The following INPP5F variants were observed in gnomAD, a reference collection of about 807,000 sequenced individuals.
INPP5F encodes phosphatidylinositide 4-phosphatase SAC2.
INPP5F carries 97 observed loss-of-function variants against 137.2 expected under a neutral mutation model. The ratio of observed to expected loss-of-function variants is 0.71; its 90% CI spans 0.60 to 0.84. The LOEUF is 0.84. INPP5F is among the 40% of genes least tolerant of loss of function. The pLI is 0.00. For synonymous variants in INPP5F, 504 were observed against 476.9 expected (o/e 1.06, Z -0.74); for missense variants, 1,271 against 1,371.9 (o/e 0.93, Z 1.16).
chr10:119,805,434 A>C lies in INPP5F; in HGVS notation c.1292A>C (p.Asp431Ala), dbSNP rs765851658. 9 of 1,612,296 alleles carry C rather than the reference A, an allele frequency of 5.6e-6. No homozygotes were observed. Among genetic ancestry groups the C allele is most frequent in the Non-Finnish European group, 7.6e-6 (9 of 1,178,542 alleles). The change falls in exon 11 of 20, where the codon GAC becomes GCC. Residue 431 changes from aspartate (D) to alanine (A), a missense_variant. Physicochemically the swap from Asp to Ala is moderately radical, Grantham distance 126. This residue lies in a region of INPP5F where 593 missense variants were observed against 712.4 expected (regional missense o/e 0.83). Transcript: ENST00000650623. The part of the protein sequence containing the change: ...NVQTLTDAIY[D>A]IILDMKWCWV... ...CAGACACTAACAGATGCCATTTATG[A>C]CATTATTCTTGATATGAAGTGGTGT...
At chr10:119,813,523 G>A (rs1851129977) in intron 15 of INPP5F, among the ~76,000 whole-genome samples, 1 of 152,072 alleles carries the variant, frequency 6.6e-6, no homozygotes, top group African/African-American at 2.4e-5. Context: ...TACTCGGGAG[G>A]CTGAGGTGAG....
Position 119,781,766 on chromosome 10 carries a change from C to CT in INPP5F, c.311dup (p.Glu105ArgfsTer4). ...TGAAATGGAACCTCAGGATCTTGAG[C>CT]TAGAGGTAGGTGAAATAAAGGGAAA... On this transcript the variant is annotated frameshift_variant, in exon 3 of 20. Coordinates refer to ENST00000650623, the MANE Select transcript of INPP5F (RefSeq NM_014937.4). LOFTEE classifies it high-confidence loss of function. 1 of 1,596,030 alleles carries CT rather than the reference C, an allele frequency of 6.3e-7. No individual in the cohort carries two copies. Among genetic ancestry groups the CT allele is most frequent in the Non-Finnish European group, 8.6e-7 (1 of 1,167,612 alleles).
Position 119,822,459 on chromosome 10 carries a change from C to A in INPP5F, c.1987C>A (p.Gln663Lys). The change falls in exon 17 of 20, where the codon CAG becomes AAG. Residue 663 changes from glutamine (Q) to lysine (K), a missense_variant. By Grantham distance (53) the Gln-to-Lys change is moderately conservative. This residue lies in a region of INPP5F where 593 missense variants were observed against 712.4 expected (regional missense o/e 0.83). Coordinates refer to ENST00000650623, the MANE Select transcript of INPP5F (RefSeq NM_014937.4). ...TGATGATGAAGTTGATAAAGTAAACCAGTATCAACGACTAAGTCTAGAAAA... is the reference window on the plus strand; with the variant it reads ...TGATGATGAAGTTGATAAAGTAAACAAGTATCAACGACTAAGTCTAGAAAA... Reference protein sequence around the residue: ...YYDDEVDKVNQYQRLSLENLE... With the variant: ...YYDDEVDKVNKYQRLSLENLE... 1 of 1,529,544 alleles carries A rather than the reference C, an allele frequency of 6.5e-7. No individual in the cohort carries two copies. Among genetic ancestry groups the A allele is most frequent in the Non-Finnish European group, 9.0e-7 (1 of 1,116,170 alleles). The allele number at this position is 1,529,544 out of a possible 1,614,324, so 94.7% of individuals were successfully genotyped here. A position where few individuals can be genotyped will look rare whatever the true frequency, so the allele number is the denominator to read the frequency against.
intron 1 of INPP5F, 87 bp from the exon 2 acceptor site, chr10:119,750,989 A>AT (rs553559839): frequency 5.8e-5 from 51 of 877,094 alleles, no homozygotes; most frequent in South Asian, 4.2e-4. Flanking sequence ...TGGGACATTG[A>AT]TTTTTTTTCA....
intron 6 of INPP5F, among the ~76,000 whole-genome samples, chr10:119,793,288 G>C (rs534704289): frequency 6.6e-6 from 1 of 152,148 alleles, no homozygotes; most frequent in African/African-American, 2.4e-5. Flanking sequence ...TTTATTGCTA[G>C]AACAGAAATA....
At position 119,810,216 on chromosome 10, in the gene INPP5F, AG is replaced by A; in HGVS notation, c.1687+1del. 6.5e-7 allele frequency: 1 copy of A among 1,546,286 alleles called. No homozygotes were observed. Among genetic ancestry groups the A allele is most frequent in the South Asian group, 1.1e-5 (1 of 88,410 alleles). On this transcript the variant is annotated frameshift_variant and splice_region_variant, in exon 14 of 20. Coordinates refer to ENST00000650623, the MANE Select transcript of INPP5F (RefSeq NM_014937.4). LOFTEE classifies it high-confidence loss of function. Reference sequence around the variant, plus strand: ...AGGATGCTTATAGGCAAGCTGTTATAGGTAAGAAGCAGAAAAGCTTTTCTTT... The same window carrying A: ...AGGATGCTTATAGGCAAGCTGTTATAGTAAGAAGCAGAAAAGCTTTTCTTT... ...FKDAYRQAVI[D>X]LMQGIPVTED...
At chr10:119,761,279 A>G (rs1385838274) in intron 2 of INPP5F, among the ~76,000 whole-genome samples, 2 of 152,226 alleles carry the variant, frequency 1.3e-5, no homozygotes, top group Admixed American at 6.5e-5. Flanking sequence ...TCAGTTTTCT[A>G]TAAACCGAGA....
chr10:119,758,133 A>G (rs953451513), intron 2 of INPP5F, among the ~76,000 whole-genome samples: 1 of 152,242 alleles, frequency 6.6e-6, no homozygotes, highest in Non-Finnish European at 1.5e-5. Context: ...GTTAATTACT[A>G]GTCACACAGT....
At chr10:119,819,660 C>T in intron 15 of INPP5F, 3 of 626,094 alleles carry the variant, frequency 4.8e-6, no homozygotes, top group Non-Finnish European at 5.0e-6. Flanking sequence ...GATTTTGGCT[C>T]CTAGAATCGA....
At chr10:119,758,833 G>A (rs72826404) in intron 2 of INPP5F, among the ~76,000 whole-genome samples, 5,011 of 152,260 alleles carry the variant, frequency 0.033, 118 homozygotes, top group Non-Finnish European at 0.053. Flanking sequence ...TTTTGTAGTG[G>A]TGACGATGTC....
At chr10:119,776,879 T>C (rs1849540874) in intron 2 of INPP5F, among the ~76,000 whole-genome samples, 1 of 151,920 alleles carries the variant, frequency 6.6e-6, no homozygotes, top group African/African-American at 2.4e-5. Context: ...GCCTCCTGAG[T>C]AGCTGAGACT....
At chr10:119,803,041 G>A (rs1357442571) in intron 9 of INPP5F, among the ~76,000 whole-genome samples, 1 of 151,898 alleles carries the variant, frequency 6.6e-6, no homozygotes, top group Non-Finnish European at 1.5e-5. Flanking sequence ...GATTTTCTCT[G>A]TATCCTTTAC....
intron 2 of INPP5F, among the ~76,000 whole-genome samples, chr10:119,757,406 G>A (rs1436489487): frequency 6.6e-6 from 1 of 152,050 alleles, no homozygotes; most frequent in Non-Finnish European, 1.5e-5. Flanking sequence ...TAGGAGGGAT[G>A]TGTAATGCAT....
At chr10:119,741,460 C>T (rs1684628893) in intron 1 of INPP5F, among the ~76,000 whole-genome samples, 4 of 152,206 alleles carry the variant, frequency 2.6e-5, no homozygotes, top group Non-Finnish European at 4.4e-5. Context: ...CTTCAGTGGA[C>T]ATCTGAGTGT....
intron 2 of INPP5F, among the ~76,000 whole-genome samples, chr10:119,754,103 G>C (rs1215387135): frequency 3.3e-5 from 5 of 152,220 alleles, no homozygotes; most frequent in Non-Finnish European, 7.3e-5. Flanking sequence ...CTGACAAGCA[G>C]TTAAAAAAGA....
chr10:119,825,918 G>C (rs1236631486), intron 19 of INPP5F: 1 of 398,306 alleles, frequency 2.5e-6, no homozygotes, highest in South Asian at 1.3e-4. Flanking sequence ...GACATTTGTG[G>C]CAAATAGCAT....
chr10:119,824,288 C>T (rs759609410), intron 19 of INPP5F, among the ~76,000 whole-genome samples: 1 of 152,210 alleles, frequency 6.6e-6, no homozygotes, highest in Non-Finnish European at 1.5e-5. Flanking sequence ...TTCCAGGATC[C>T]AGTCTGGGAT....
intron 15 of INPP5F, 80 bp downstream of exon 15, chr10:119,812,035 C>T (rs1851057735): frequency 8.7e-7 from 1 of 1,155,894 alleles, no homozygotes; most frequent in Admixed American, 1.8e-5. Flanking sequence ...GGCAGTTGTC[C>T]CTAAAGCTGT....
chr10:119,808,232 A>T (rs36078131), intron 13 of INPP5F, among the ~76,000 whole-genome samples, 172 bp downstream of exon 13: 7,213 of 152,296 alleles, frequency 0.047, 315 homozygotes, highest in South Asian at 0.26. Flanking sequence ...CAGGCCACAC[A>T]TTACATCAGA....
Sources: allele counts gnomAD v4.1 joint callset (sites outside exome capture counted in the v4.1 genomes callset), GRCh38; gene constraint gnomAD v4.1.1; regional missense constraint gnomAD v4.1.1; transcripts MANE v1.5; gene names NCBI Gene and HGNC (gene_info 2026-07-23, HGNC 2026-07-21).